Variants in SRGAP2B observed in about 807,000 individuals in gnomAD.
SRGAP2B encodes the protein SLIT-ROBO Rho GTPase activating protein 2B.
Under a neutral mutation model 22.2 loss-of-function variants are expected in SRGAP2B, and 9 were observed. That is an observed-to-expected ratio of 0.41 (90% CI 0.24 to 0.71). The LOEUF is 0.71. Among genes scored for constraint, SRGAP2B ranks in the 30% least tolerant of loss-of-function variants. The pLI is 0.35. For synonymous variants in SRGAP2B, 36 were observed against 87.4 expected, an observed-to-expected ratio of 0.41 and a Z score of 3.28; for missense variants, 114 against 235.8, an observed-to-expected ratio of 0.48 and a Z score of 3.38.
chr1:144,994,643 C>CT (rs1670531690), intron 3 of SRGAP2B, among the ~76,000 whole-genome samples: 2 of 147,288 alleles, frequency 1.4e-5, no homozygotes, highest in African/African-American at 5.2e-5. Context: ...AGTTAAGCCC[C>CT]TTAACCTTTT....
chr1:144,940,795 T>A (rs1553607255), intron 4 of SRGAP2B, among the ~76,000 whole-genome samples: 1 of 85,036 alleles, frequency 1.2e-5, no homozygotes, highest in African/African-American at 5.0e-5. Context: ...AGAAACTCCA[T>A]CTCCAAAAAA....
At chr1:145,070,239 C>T (rs1651991493) in intron 2 of SRGAP2B, among the ~76,000 whole-genome samples, 1 of 134,686 alleles carries the variant, frequency 7.4e-6, no homozygotes, top group Admixed American at 7.5e-5. Flanking sequence ...GTCAGTTTAA[C>T]ATTAGTCAAG....
chr1:144,984,747 T>C (rs1471568499), intron 3 of SRGAP2B, among the ~76,000 whole-genome samples: 1 of 150,532 alleles, frequency 6.6e-6, no homozygotes, highest in Non-Finnish European at 1.5e-5. Context: ...TCTTGTCATT[T>C]AGCAAACTAC....
chr1:145,006,903 G>C (rs1671636598), intron 2 of SRGAP2B, among the ~76,000 whole-genome samples: 2 of 150,788 alleles, frequency 1.3e-5, no homozygotes, highest in Admixed American at 1.3e-4. Flanking sequence ...TGATTAAGAG[G>C]ATAGACCGCA....
chr1:144,908,296 CA>C (rs1663135525), intron 5 of SRGAP2B, among the ~76,000 whole-genome samples: 1 of 150,194 alleles, frequency 6.7e-6, no homozygotes, highest in Non-Finnish European at 1.5e-5. Flanking sequence ...AAAAAGAGGT[CA>C]AAGAATAGCA....
intron 2 of SRGAP2B, among the ~76,000 whole-genome samples, chr1:145,040,713 T>C (rs1263454600): frequency 1.1e-3 from 163 of 147,668 alleles, no homozygotes; most frequent in Admixed American, 2.1e-3. Context: ...CTGGAATTAA[T>C]CCAGATTCCT....
rs587773435 is a variant in SRGAP2B, at chr1:145,066,652, C to T, written c.67+26183G>A. 1.3e-4 allele frequency among the ~76,000 whole-genome samples: 19 copies of T among 151,602 alleles called. 1 individual carries two copies. Among genetic ancestry groups the T allele is most frequent in the East Asian group, 3.9e-4 (2 of 5,166 alleles). ...CTATGTAAACGTAACTTACTGTGAG[C>T]GCCCAGGCCGTCTGGCTACTACAGA... On this transcript the variant is annotated intron_variant, in intron 2 of 9. Transcript: ENST00000612199.
Position 145,061,601 on chromosome 1 carries a change from CCT to C in SRGAP2B, c.67+31232_67+31233del, listed in dbSNP as rs1437170949. Among the ~76,000 whole-genome samples, 79 of 150,302 alleles carry C rather than the reference CCT, an allele frequency of 5.3e-4. 1 individual carries two copies. The highest frequency in any genetic ancestry group is 8.8e-4 in the Non-Finnish European group (60 of 67,802). On this transcript the variant is annotated intron_variant, in intron 2 of 9. Transcript: ENST00000612199. ...TGTGTACATTCACTTTTTTTTCCCCCCTCTGAGACAGGGTCTCACTCTGTCGC... is the reference window on the plus strand; with the variant it reads ...TGTGTACATTCACTTTTTTTTCCCCCCTGAGACAGGGTCTCACTCTGTCGC...
intron 2 of SRGAP2B, among the ~76,000 whole-genome samples, chr1:145,085,267 A>T: frequency 7.2e-6 from 1 of 139,300 alleles, no homozygotes; most frequent in Non-Finnish European, 1.6e-5. Context: ...GGAAACAGAC[A>T]CTGTCATTTG....
intron 3 of SRGAP2B, among the ~76,000 whole-genome samples, chr1:144,964,705 CTT>C (rs1295476293): frequency 6.6e-6 from 1 of 151,066 alleles, no homozygotes; most frequent in Non-Finnish European, 1.5e-5. Flanking sequence ...AGCCAGGTAA[CTT>C]TGGGCAAGTC....
chr1:144,915,399 AG>A, intron 4 of SRGAP2B, among the ~76,000 whole-genome samples: 1 of 150,638 alleles, frequency 6.6e-6, no homozygotes, highest in Non-Finnish European at 1.5e-5. Context: ...GCTGCCACCC[AG>A]GGCTGACATC....
At chr1:145,045,278 C>T (rs1278597159) in intron 2 of SRGAP2B, among the ~76,000 whole-genome samples, 15 of 98,986 alleles carry the variant, frequency 1.5e-4, no homozygotes, top group Admixed American at 2.5e-4. Context: ...GCCTGGGGGA[C>T]GGAGCGAGAC....
intron 2 of SRGAP2B, among the ~76,000 whole-genome samples, chr1:145,047,131 G>T (rs781956069): frequency 7.5e-6 from 1 of 133,694 alleles, no homozygotes; most frequent in African/African-American, 3.1e-5. Context: ...AGCCAAGATC[G>T]CACCACTGCA....
chr1:144,923,368 T>C (rs1553347667), intron 4 of SRGAP2B, among the ~76,000 whole-genome samples: 1 of 150,512 alleles, frequency 6.6e-6, no homozygotes. Flanking sequence ...TGATCTCTCA[T>C]GCCAAAGCAT....
chr1:144,918,327 T>C (rs1374858939), intron 4 of SRGAP2B: 1 of 149,500 alleles, frequency 6.7e-6, no homozygotes, highest in Non-Finnish European at 1.5e-5. Context: ...CAGTTAACAA[T>C]GCTGGTTCTA....
intron 4 of SRGAP2B, among the ~76,000 whole-genome samples, chr1:144,928,404 GTTATTTATTTATTTATTTATTTAT>G (rs1267611455): frequency 3.4e-5 from 4 of 116,226 alleles, no homozygotes; most frequent in African/African-American, 1.3e-4. Context: ...CCACTTTTTG[GTTATTTATTTATTTATTTATTTAT>G]TTATTTATTT....
chr1:145,020,031 T>C (rs10751782), intron 2 of SRGAP2B, among the ~76,000 whole-genome samples: 7,621 of 132,582 alleles, frequency 0.057, 12 homozygotes, highest in African/African-American at 0.17. Context: ...AATATCCACG[T>C]GGCTTACACT....
intron 5 of SRGAP2B, among the ~76,000 whole-genome samples, chr1:144,910,046 TA>T (rs1381554152): frequency 6.9e-6 from 1 of 145,558 alleles, no homozygotes; most frequent in African/African-American, 2.7e-5. Flanking sequence ...AGACCAAAAC[TA>T]GCAATTTAGA....
chr1:145,087,990 T>C (rs1334398878), intron 2 of SRGAP2B, among the ~76,000 whole-genome samples: 1 of 150,852 alleles, frequency 6.6e-6, no homozygotes, highest in African/African-American at 2.5e-5. Context: ...GTTGCTGTTT[T>C]TTCCCCTGAG....
Sources: allele counts gnomAD v4.1 joint callset (sites outside exome capture counted in the v4.1 genomes callset), GRCh38; gene constraint gnomAD v4.1.1; transcripts MANE v1.5; gene names NCBI Gene and HGNC (gene_info 2026-07-23, HGNC 2026-07-21).